MALRD1: variants seen among roughly 807,000 people sequenced by gnomAD.
MALRD1 encodes MAM and LDL receptor class A domain containing 1, also known as MAM and LDL-receptor class A domain-containing protein 1.
A neutral mutation model predicts 242.1 loss-of-function variants in MALRD1; 247 were observed. That is an observed-to-expected ratio of 1.02 (90% CI 0.92 to 1.13). The LOEUF (loss-of-function observed/expected upper bound fraction) is 1.13, where lower values mean the gene tolerates loss of function less well. MALRD1 is among the 50% of genes most tolerant of loss of function. MALRD1 has a pLI of 0.00. For synonymous variants in MALRD1, 995 were observed against 866.6 expected, an observed-to-expected ratio of 1.15 and a Z score of -2.60; for missense variants, 2,989 against 2,533.1, an observed-to-expected ratio of 1.18 and a Z score of -3.86.
At chr10:19,419,696 C>T (rs1475107851) in intron 28 of MALRD1, among the ~76,000 whole-genome samples, 1 of 152,138 alleles carries the variant, frequency 6.6e-6, no homozygotes, top group Non-Finnish European at 1.5e-5. Context: ...CTGAAACATT[C>T]CAGCCCAAAA....
intron 35 of MALRD1, among the ~76,000 whole-genome samples, chr10:19,613,901 G>T (rs905746785): frequency 6.6e-6 from 1 of 151,934 alleles, no homozygotes; most frequent in East Asian, 1.9e-4. Flanking sequence ...CAAATAAATG[G>T]CTGCTGATTC....
chr10:19,342,115 A>T (rs1843910508), intron 24 of MALRD1, among the ~76,000 whole-genome samples: 1 of 152,032 alleles, frequency 6.6e-6, no homozygotes, highest in East Asian at 1.9e-4. Flanking sequence ...TTATTTATTT[A>T]TTATAGTAAG....
At chr10:19,249,872 A>T (rs370048176) in intron 18 of MALRD1, among the ~76,000 whole-genome samples, 2 of 136,960 alleles carry the variant, frequency 1.5e-5, no homozygotes, top group Non-Finnish European at 3.4e-5. Flanking sequence ...TAAATCGATC[A>T]TTTTTTTTTA....
intron 31 of MALRD1, among the ~76,000 whole-genome samples, chr10:19,524,924 A>G (rs1364625022): frequency 1.3e-5 from 2 of 148,336 alleles, no homozygotes; most frequent in African/African-American, 2.5e-5. Context: ...TTATTTTGAG[A>G]TGGAGTTTTG....
intron 19 of MALRD1, among the ~76,000 whole-genome samples, chr10:19,268,581 G>GA (rs1408082742): frequency 6.6e-6 from 1 of 152,056 alleles, no homozygotes; most frequent in Non-Finnish European, 1.5e-5. Flanking sequence ...AAGTCACAGG[G>GA]AAAACGTATA....
chr10:19,065,553 C>A (rs1834953751), intron 1 of MALRD1, among the ~76,000 whole-genome samples: 1 of 152,110 alleles, frequency 6.6e-6, no homozygotes, highest in African/African-American at 2.4e-5. Context: ...GAGTTGTGAC[C>A]AGAGAACAAG....
intron 32 of MALRD1, among the ~76,000 whole-genome samples, chr10:19,567,265 T>A (rs1589247917): frequency 6.6e-6 from 1 of 152,188 alleles, no homozygotes. Context: ...TTTTTAATTA[T>A]GTCCAGTTTG....
At chr10:19,502,599 C>T (rs1305121486) in intron 31 of MALRD1, among the ~76,000 whole-genome samples, 2 of 152,014 alleles carry the variant, frequency 1.3e-5, no homozygotes, top group African/African-American at 2.4e-5. Context: ...CTATAATTCC[C>T]AAAGATGAAT....
At chr10:19,125,305 C>T (rs1354284665) in intron 7 of MALRD1, among the ~76,000 whole-genome samples, 1 of 55,676 alleles carries the variant, frequency 1.8e-5, no homozygotes, top group Non-Finnish European at 3.3e-5. Context: ...TTCCTTCCTT[C>T]CTTCCTTCCT....
At chr10:19,544,648 C>T (rs1020052491) in intron 32 of MALRD1, among the ~76,000 whole-genome samples, 1 of 151,880 alleles carries the variant, frequency 6.6e-6, no homozygotes, top group African/African-American at 2.4e-5. Flanking sequence ...ATCTACCCAC[C>T]ACCCACTAAA....
rs1442451379 is a variant in MALRD1, at chr10:19,205,027, G to T, written c.2340G>T (p.Gln780His). 1 of 1,550,860 alleles carries T rather than the reference G, an allele frequency of 6.4e-7. No homozygotes were observed. The highest frequency in any genetic ancestry group is 2.4e-5 in the East Asian group (1 of 40,912). Residue 780 changes from glutamine (Q) to histidine (H), a missense_variant, in exon 17 of 40, where the codon CAG (glutamine) becomes CAT (histidine). Transcript: ENST00000454679. Reference protein sequence around the residue: ...QGKQWLEATIQLGRLSQPFHL... With the variant: ...QGKQWLEATIHLGRLSQPFHL... Reference sequence around the variant, plus strand: ...AACAATGGTTGGAGGCAACCATTCAGCTAGGGCGCCTTTCGCAGCCCTTCC... The same window carrying T: ...AACAATGGTTGGAGGCAACCATTCATCTAGGGCGCCTTTCGCAGCCCTTCC...
intron 11 of MALRD1, among the ~76,000 whole-genome samples, chr10:19,154,175 A>G (rs1834043626): frequency 6.6e-6 from 1 of 152,196 alleles, no homozygotes; most frequent in Non-Finnish European, 1.5e-5. Context: ...AAAACAATAT[A>G]AACTGGGTTC....
intron 2 of MALRD1, among the ~76,000 whole-genome samples, chr10:19,081,717 G>A (rs567118224): frequency 2.6e-5 from 4 of 152,078 alleles, no homozygotes; most frequent in East Asian, 1.9e-4. Context: ...CGTGGCACAC[G>A]TTTACCTGTG....
chr10:19,501,078 TAAATAGGCTGGTC>T (rs1837945803), intron 31 of MALRD1, among the ~76,000 whole-genome samples: 1 of 152,196 alleles, frequency 6.6e-6, no homozygotes, highest in East Asian at 1.9e-4. Context: ...GGATGGCCTG[TAAATAGGCTGGTC>T]AAATTAGACC....
intron 21 of MALRD1, among the ~76,000 whole-genome samples, chr10:19,317,679 G>A (rs1420471257): frequency 1.3e-5 from 2 of 151,852 alleles, no homozygotes; most frequent in East Asian, 3.9e-4. Flanking sequence ...CTCAAGAATG[G>A]GTATTTTTTC....
intron 18 of MALRD1, among the ~76,000 whole-genome samples, chr10:19,247,297 T>G (rs937390931): frequency 6.6e-6 from 1 of 152,102 alleles, no homozygotes; most frequent in African/African-American, 2.4e-5. Flanking sequence ...AAAATTAAAT[T>G]ACTTCATTAA....
intron 5 of MALRD1, among the ~76,000 whole-genome samples, chr10:19,120,747 T>C (rs745386230): frequency 2.0e-4 from 30 of 152,314 alleles, no homozygotes; most frequent in South Asian, 1.7e-3. Context: ...TGTACACTTT[T>C]TTGTTGTTGT....
intron 19 of MALRD1, among the ~76,000 whole-genome samples, chr10:19,271,704 A>G (rs1022681816): frequency 4.0e-5 from 6 of 151,238 alleles, no homozygotes; most frequent in African/African-American, 1.5e-4. Flanking sequence ...TGGAGGTTGC[A>G]GTGAGCCGAG....
chr10:19,479,852 G>T (rs1019142080), intron 29 of MALRD1, among the ~76,000 whole-genome samples: 4 of 152,128 alleles, frequency 2.6e-5, no homozygotes, highest in African/African-American at 9.7e-5. Context: ...TTCCATCCAC[G>T]TGGAGAGGTA....
Sources: gnomAD v4.1 joint callset for allele counts (sites outside exome capture counted in the v4.1 genomes callset) on GRCh38, gnomAD v4.1.1 for gene constraint, MANE v1.5 for transcripts, NCBI Gene and HGNC (gene_info 2026-07-23, HGNC 2026-07-21) for gene names.